The following DCAF8L2 variants were observed in gnomAD, a reference collection of about 807,000 sequenced individuals.
DCAF8L2 encodes DDB1 and CUL4 associated factor 8 like 2.
For synonymous variants in DCAF8L2, 200 were observed against 190.9 expected, an observed-to-expected ratio of 1.05 and a Z score of -0.39; for missense variants, 430 against 490.7, an observed-to-expected ratio of 0.88 and a Z score of 1.17.
the DCAF8L2 span, among the ~76,000 whole-genome samples, chrX:27,572,325 G>A: frequency 9.0e-6 from 1 of 111,341 alleles, no homozygotes; most frequent in Non-Finnish European, 1.9e-5. Context: ...ACCATAGTTA[G>A]CTCAGCCAGG....
chrX:27,527,089 C>G, the DCAF8L2 span, among the ~76,000 whole-genome samples: 3 of 112,451 alleles, frequency 2.7e-5, no homozygotes, highest in East Asian at 8.5e-4. Flanking sequence ...GAGGTTTCTG[C>G]TGCCTTTTGT....
chrX:27,639,363 T>G (rs1305415162), intron 2 of DCAF8L2, among the ~76,000 whole-genome samples: 2 of 111,792 alleles, frequency 1.8e-5, no homozygotes, highest in African/African-American at 6.5e-5. Flanking sequence ...GAATGAGACC[T>G]ATTTGATAGC....
the DCAF8L2 span, among the ~76,000 whole-genome samples, chrX:27,503,968 T>C: frequency 8.9e-6 from 1 of 112,360 alleles, no homozygotes; most frequent in Non-Finnish European, 1.9e-5. Context: ...TGACATTCTC[T>C]TCTTTATTGT....
At chrX:27,528,292 T>G in the DCAF8L2 span, among the ~76,000 whole-genome samples, 1 of 107,329 alleles carries the variant, frequency 9.3e-6, no homozygotes, top group African/African-American at 3.3e-5. Flanking sequence ...CTGTTTACTA[T>G]GCTCTTGTGT....
At chrX:27,557,182 T>A in the DCAF8L2 span, among the ~76,000 whole-genome samples, 1 of 112,327 alleles carries the variant, frequency 8.9e-6, no homozygotes, top group Non-Finnish European at 1.9e-5. Flanking sequence ...ATGTAAATTC[T>A]TTTGTGCCAA....
intron 4 of DCAF8L2, among the ~76,000 whole-genome samples, chrX:27,731,513 A>ACCCTCTT (rs1206295932): frequency 9.0e-6 from 1 of 111,483 alleles, no homozygotes; most frequent in Non-Finnish European, 1.9e-5. Context: ...CCTGGCAAAG[A>ACCCTCTT]CCCTCTTCCT....
At chrX:27,694,765 G>A (rs750439437) in intron 3 of DCAF8L2, among the ~76,000 whole-genome samples, 49 of 111,602 alleles carry the variant, frequency 4.4e-4, no homozygotes, top group African/African-American at 1.5e-3. Context: ...AGGTATCCAA[G>A]GATATGAATT....
At chrX:27,676,054 A>G (rs190335057) in intron 2 of DCAF8L2, among the ~76,000 whole-genome samples, 1 of 112,147 alleles carries the variant, frequency 8.9e-6, no homozygotes, top group Admixed American at 9.5e-5. Flanking sequence ...CCTTAAGCCA[A>G]CATGAAAGAG....
chrX:27,673,642 A>G (rs913773545), intron 2 of DCAF8L2, among the ~76,000 whole-genome samples: 21 of 109,410 alleles, frequency 1.9e-4, no homozygotes, highest in Admixed American at 1.1e-3. Context: ...ATATATGTAT[A>G]CATGCACATA....
intron 1 of DCAF8L2, among the ~76,000 whole-genome samples, chrX:27,614,418 G>A (rs1052690682): frequency 3.9e-4 from 43 of 110,675 alleles, no homozygotes; most frequent in Non-Finnish European, 7.0e-4. Flanking sequence ...TGGATTCATT[G>A]ATTTTTTGAA....
chrX:27,732,638 A>G (rs1213588324), intron 4 of DCAF8L2, among the ~76,000 whole-genome samples: 1 of 110,822 alleles, frequency 9.0e-6, no homozygotes, highest in Middle Eastern at 4.6e-3. Context: ...TCATCCATCA[A>G]CAGACACTTA....
At chrX:27,480,310 A>G in the DCAF8L2 span, among the ~76,000 whole-genome samples, 1 of 112,360 alleles carries the variant, frequency 8.9e-6, no homozygotes, top group Non-Finnish European at 1.9e-5. Flanking sequence ...TTGGAAGCAT[A>G]TAAGTGGGTG....
At chrX:27,565,065 A>G in the DCAF8L2 span, among the ~76,000 whole-genome samples, 4 of 109,182 alleles carry the variant, frequency 3.7e-5, no homozygotes, top group African/African-American at 1.0e-4. Flanking sequence ...ATTATATATT[A>G]TATATATTCA....
chrX:27,501,285 A>ATGTG, the DCAF8L2 span, among the ~76,000 whole-genome samples: 145 of 89,174 alleles, frequency 1.6e-3, no homozygotes, highest in African/African-American at 5.5e-3. Context: ...GTGTGTGTGT[A>ATGTG]TGTGTGTGTG....
intron 1 of DCAF8L2, among the ~76,000 whole-genome samples, chrX:27,595,395 A>C (rs769753011): frequency 9.0e-6 from 1 of 111,303 alleles, no homozygotes; most frequent in East Asian, 2.8e-4. Context: ...TAATTCCATC[A>C]TTTTAGTCAG....
chrX:27,602,721 T>G (rs939805395), intron 1 of DCAF8L2, among the ~76,000 whole-genome samples: 3 of 111,874 alleles, frequency 2.7e-5, no homozygotes, highest in African/African-American at 9.7e-5. Context: ...GAAAAATTGC[T>G]AGTTGTGTTG....
chrX:27,620,601 T>C (rs1478847902), intron 1 of DCAF8L2, among the ~76,000 whole-genome samples: 2 of 111,604 alleles, frequency 1.8e-5, no homozygotes, highest in African/African-American at 6.5e-5. Context: ...AAAATGCAAA[T>C]TAAAACTACA....
chrX:27,709,822 T>TGGACTGTTTCTGTGGCTGGCATGTTCA, intron 3 of DCAF8L2, among the ~76,000 whole-genome samples: 4 of 106,503 alleles, frequency 3.8e-5, no homozygotes, highest in Non-Finnish European at 7.8e-5. Flanking sequence ...GGCATGTTCA[T>TGGACTGTTTCTGTGGCTGGCATGTTCA]TTTTTTTTTT....
chrX:27,544,074 C>A, the DCAF8L2 span, among the ~76,000 whole-genome samples: 3 of 111,481 alleles, frequency 2.7e-5, no homozygotes, highest in African/African-American at 9.8e-5. Flanking sequence ...GAGAGTCTGG[C>A]ACTTTTAAAA....
Sources: gnomAD v4.1 joint callset for allele counts (sites outside exome capture counted in the v4.1 genomes callset) on GRCh38, gnomAD v4.1.1 for gene constraint, MANE v1.5 for transcripts, NCBI Gene and HGNC (gene_info 2026-07-23, HGNC 2026-07-21) for gene names.